The following ADGRE2 variants were observed in gnomAD, a reference collection of about 807,000 sequenced individuals.
ADGRE2 encodes the protein adhesion G protein-coupled receptor E2.
ADGRE2 carries 83 observed loss-of-function variants against 100.8 expected under a neutral mutation model. The ratio of observed to expected loss-of-function variants is 0.82; its 90% CI spans 0.69 to 0.99. The LOEUF (loss-of-function observed/expected upper bound fraction) is 0.99, where lower values mean the gene tolerates loss of function less well. ADGRE2 is among the 50% of genes least tolerant of loss of function. ADGRE2 has a pLI of 0.00. For synonymous variants in ADGRE2, 355 were observed against 413.0 expected (o/e 0.86, Z 1.70); for missense variants, 814 against 1,035.7 (o/e 0.79, Z 2.94).
chr19:14,730,209 C>G (rs985870609), downstream of ADGRE2, among the ~76,000 whole-genome samples: 2 of 152,112 alleles, frequency 1.3e-5, no homozygotes, highest in African/African-American at 4.8e-5. Context: ...TGCCCGTGAC[C>G]ATGCCTGGTT....
chr19:14,724,321 T>C, the ADGRE2 span, among the ~76,000 whole-genome samples: 3 of 152,196 alleles, frequency 2.0e-5, no homozygotes, highest in Non-Finnish European at 4.4e-5. Context: ...CATACATTGC[T>C]CTTCCCCACA....
intron 5 of ADGRE2, among the ~76,000 whole-genome samples, chr19:14,771,300 C>T (rs1393203390): frequency 3.3e-5 from 5 of 152,206 alleles, no homozygotes; most frequent in Non-Finnish European, 5.9e-5. Context: ...TTCTTCATTT[C>T]CTGCCTTTGC....
intron 14 of ADGRE2, among the ~76,000 whole-genome samples, chr19:14,754,481 A>ATCTATCTGTCTG (rs988435716): frequency 2.0e-5 from 3 of 150,836 alleles, no homozygotes; most frequent in African/African-American, 4.9e-5. Flanking sequence ...CTATCTATCT[A>ATCTATCTGTCTG]TCTATCTATT....
At position 14,751,676 on chromosome 19, in the gene ADGRE2, C is replaced by T. The variant is rs374478211; in HGVS notation, c.1789-5G>A. On this transcript the variant is annotated splice_polypyrimidine_tract_variant and splice_region_variant and intron_variant, in intron 15 of 20. Coordinates refer to ENST00000315576, the MANE Select transcript of ADGRE2 (RefSeq NM_013447.4). ...GGCGATGATGGAGCACAGCACCTGG[C>T]GGAGAAGTAAAAGACGCCCAGAGCG... 3.5e-5 allele frequency: 56 copies of T among 1,610,546 alleles called. No individual in the cohort carries two copies. In the East Asian group the frequency reaches 5.4e-4, roughly 15 times the overall value.
chr19:14,770,551 A>G (rs926693103), intron 5 of ADGRE2, among the ~76,000 whole-genome samples: 9 of 152,050 alleles, frequency 5.9e-5, no homozygotes, highest in African/African-American at 2.2e-4. Context: ...CTACATATGG[A>G]TGCCCAGCCA....
At chr19:14,754,351 G>T (rs2043407133) in intron 14 of ADGRE2, among the ~76,000 whole-genome samples, 1 of 150,366 alleles carries the variant, frequency 6.7e-6, no homozygotes, top group South Asian at 2.1e-4. Context: ...ATTTGAGTCA[G>T]TGGGTTGGGA....
At position 14,736,262 on chromosome 19, in the gene ADGRE2, G is replaced by C; in HGVS notation, c.2464-18C>G. On this transcript the variant is annotated intron_variant, in intron 20 of 20. Coordinates refer to ENST00000315576, the MANE Select transcript of ADGRE2 (RefSeq NM_013447.4). ...TAGTTAACCTGAAATATATATATATGTATGTATTTTGTTGTTGAGACAGAG... is the reference window on the plus strand; with the variant it reads ...TAGTTAACCTGAAATATATATATATCTATGTATTTTGTTGTTGAGACAGAG... The C allele has an allele frequency of 6.7e-7, 1 of 1,483,392 alleles. No homozygotes were observed. Among genetic ancestry groups the C allele is most frequent in the Non-Finnish European group, 9.4e-7 (1 of 1,069,170 alleles). The allele number at this position is 1,483,392 out of a possible 1,614,324, so 91.9% of individuals were successfully genotyped here. A position where few individuals can be genotyped will look rare whatever the true frequency, so the allele number is the denominator to read the frequency against.
At chr19:14,744,645 G>A (rs1162165835) in intron 18 of ADGRE2, among the ~76,000 whole-genome samples, 1 of 151,912 alleles carries the variant, frequency 6.6e-6, no homozygotes, top group Non-Finnish European at 1.5e-5. Flanking sequence ...AGTAGAGATG[G>A]GGTTTCACCA....
intron 12 of ADGRE2, 78 bp downstream of exon 12, chr19:14,756,160 A>T: frequency 1.8e-6 from 2 of 1,140,772 alleles, no homozygotes; most frequent in Admixed American, 3.5e-5. Context: ...TAATCTTTAA[A>T]TTTCTTATTT....
rs10418767 is a variant in ADGRE2, at chr19:14,767,036, G to A, written c.429C>T (p.Tyr143=). 0.045 allele frequency: 44,575 copies of A among 983,412 alleles called. 16,140 individuals carry two copies. The highest frequency in any genetic ancestry group is 0.15 in the African/African-American group (4,203 of 27,348). 60.9% of individuals were successfully genotyped at this position (983,412 alleles called of 1,614,324 possible). ...YGTCVNTLGS[Y]TCQCLPGFKL... ...TGAAGCCAGGCAGGCACTGGCACGT[G>A]TAGCTGCCGAGGGTGTTGACGCAGG... The change falls in exon 6 of 21, where the codon TAC becomes TAT. Residue 143 remains tyrosine (Y), a synonymous_variant. Transcript: ENST00000315576.
chr19:14,764,034 CTCTTCT>C (rs757848480), intron 11 of ADGRE2, among the ~76,000 whole-genome samples: 4 of 150,042 alleles, frequency 2.7e-5, no homozygotes, highest in Non-Finnish European at 4.4e-5. Context: ...CCTCCTCCTT[CTCTTCT>C]TCTTCTTCTT....
intron 17 of ADGRE2, 64 bp from the exon 18 acceptor site, chr19:14,746,387 TTTTC>T: frequency 1.0e-6 from 1 of 994,436 alleles, no homozygotes; most frequent in Non-Finnish European, 1.6e-6. Flanking sequence ...TTTTTTTTTT[TTTTC>T]AGACAGGGTC....
At chr19:14,749,414 T>TATGTA (rs2043195686) in intron 16 of ADGRE2, among the ~76,000 whole-genome samples, 1 of 139,878 alleles carries the variant, frequency 7.1e-6, no homozygotes, top group African/African-American at 2.6e-5. Flanking sequence ...TATTTATAGT[T>TATGTA]ATATAATTAT....
At chr19:14,739,700 A>G (rs912423252) in intron 20 of ADGRE2, among the ~76,000 whole-genome samples, 10 of 152,214 alleles carry the variant, frequency 6.6e-5, no homozygotes, top group African/African-American at 2.4e-4. Flanking sequence ...CTTTGTAGAT[A>G]CGGTTATGAA....
chr19:14,744,046 C>T (rs1379183908), intron 18 of ADGRE2, among the ~76,000 whole-genome samples: 2 of 152,064 alleles, frequency 1.3e-5, no homozygotes, highest in Admixed American at 6.6e-5. Context: ...TCGAGACCAG[C>T]CCGACCAACA....
chr19:14,752,236 CTATTA>C, intron 15 of ADGRE2, 88 bp downstream of exon 15: 1 of 1,499,304 alleles, frequency 6.7e-7, no homozygotes, highest in Non-Finnish European at 9.2e-7. Context: ...CCCAGCCGGG[CTATTA>C]TATTAAGGAA....
chr19:14,754,319 A>G (rs73515971), intron 14 of ADGRE2, among the ~76,000 whole-genome samples: 1 of 147,766 alleles, frequency 6.8e-6, no homozygotes, highest in Non-Finnish European at 1.5e-5. Context: ...ATCTCTCTCT[A>G]TATATCTCTA....
intron 20 of ADGRE2, among the ~76,000 whole-genome samples, chr19:14,737,579 C>T (rs533703928): frequency 1.3e-5 from 2 of 152,192 alleles, no homozygotes; most frequent in East Asian, 3.9e-4. Context: ...CATTTTGCTC[C>T]ATCCTGTTCT....
At chr19:14,770,673 T>TCTTTTTC (rs1456435933) in intron 5 of ADGRE2, among the ~76,000 whole-genome samples, 3,797 of 124,846 alleles carry the variant, frequency 0.03, 569 homozygotes, top group Middle Eastern at 0.034. Flanking sequence ...TCTTTTCTTT[T>TCTTTTTC]TTTTTTTTTT....
Sources: allele counts gnomAD v4.1 joint callset (sites outside exome capture counted in the v4.1 genomes callset), GRCh38; gene constraint gnomAD v4.1.1; transcripts MANE v1.5; gene names NCBI Gene and HGNC (gene_info 2026-07-23, HGNC 2026-07-21).